Variants in SCARA3 observed in about 807,000 individuals in gnomAD.
SCARA3 encodes scavenger receptor class A member 3, also known as cellular stress response gene protein.
Under a neutral mutation model 47.0 loss-of-function variants are expected in SCARA3, and 39 were observed. The ratio of observed to expected loss-of-function variants is 0.83; its 90% CI spans 0.64 to 1.08. SCARA3 has a LOEUF of 1.08. SCARA3 is among the 50% of genes least tolerant of loss of function. SCARA3 has a pLI of 0.00. For synonymous variants in SCARA3, 356 were observed against 334.1 expected (o/e 1.07, Z -0.71); for missense variants, 724 against 792.3 (o/e 0.91, Z 1.04).
chr8:27,670,427 G>C (rs1416219924), intron 5 of SCARA3, among the ~76,000 whole-genome samples: 2 of 152,204 alleles, frequency 1.3e-5, no homozygotes, highest in Non-Finnish European at 2.9e-5. Context: ...TCTCTGGGCT[G>C]TCACTGTGCC....
chr8:27,694,908 G>A, the SCARA3 span, among the ~76,000 whole-genome samples: 1 of 152,168 alleles, frequency 6.6e-6, no homozygotes, highest in East Asian at 1.9e-4. Context: ...GCATTGTGAA[G>A]AAGAGAGAGA....
At chr8:27,731,377 A>G in the SCARA3 span, among the ~76,000 whole-genome samples, 2 of 151,776 alleles carry the variant, frequency 1.3e-5, no homozygotes, top group African/African-American at 4.8e-5. Flanking sequence ...GGATTATAGG[A>G]TTGAGCCACT....
At position 27,651,610 on chromosome 8, in the gene SCARA3, C is replaced by T. The variant is rs1192771437; in HGVS notation, c.209C>T (p.Ala70Val). The change falls in exon 3 of 6, where the codon GCT becomes GTT. Residue 70 changes from alanine (A) to valine (V), a missense_variant. Coordinates refer to ENST00000301904, the MANE Select transcript of SCARA3 (RefSeq NM_016240.3). Reference protein sequence around the residue: ...LFLALLLVAVAVLASLVFRKV... With the variant: ...LFLALLLVAVVVLASLVFRKV... ...CTGGCCCTGCTCCTGGTGGCCGTGG[C>T]TGTGTTGGCCTCTCTGGGTGAGTCC... The T allele has an allele frequency of 6.2e-7, 1 of 1,614,102 alleles. No individual in the cohort carries two copies. Among genetic ancestry groups the T allele is most frequent in the Non-Finnish European group, 8.5e-7 (1 of 1,180,002 alleles).
At chr8:27,664,599 G>C (rs1313188720) in intron 5 of SCARA3, among the ~76,000 whole-genome samples, 1 of 152,152 alleles carries the variant, frequency 6.6e-6, no homozygotes, top group Admixed American at 6.5e-5. Context: ...TAAGCTATAG[G>C]GTGTGGGGCA....
the SCARA3 span, among the ~76,000 whole-genome samples, chr8:27,700,485 T>C: frequency 6.6e-6 from 1 of 152,032 alleles, no homozygotes; most frequent in South Asian, 2.1e-4. Context: ...TGGGCTCCTG[T>C]AGTCCCAGCT....
chr8:27,691,122 C>G, the SCARA3 span, among the ~76,000 whole-genome samples: 1 of 152,050 alleles, frequency 6.6e-6, no homozygotes, highest in Non-Finnish European at 1.5e-5. Context: ...ACTCTTCTGC[C>G]CCTTTTGAAT....
At chr8:27,660,846 A>C (rs113955108) in intron 5 of SCARA3, among the ~76,000 whole-genome samples, 3,910 of 56,494 alleles carry the variant, frequency 0.069, 110 homozygotes, top group African/African-American at 0.14. Context: ...AGCTAGCTAG[A>C]TAGATAGATA....
intron 5 of SCARA3, among the ~76,000 whole-genome samples, chr8:27,667,099 G>A (rs533918851): frequency 6.6e-6 from 1 of 152,238 alleles, no homozygotes; most frequent in South Asian, 2.1e-4. Flanking sequence ...TCTCTCCTCT[G>A]CCCCTCACCC....
chr8:27,670,333 T>G (rs1269840220), intron 5 of SCARA3, among the ~76,000 whole-genome samples: 1 of 152,172 alleles, frequency 6.6e-6, no homozygotes, highest in Non-Finnish European at 1.5e-5. Context: ...TATGTGTCAA[T>G]GAAAAGACTC....
chr8:27,667,662 G>A (rs983734786), intron 5 of SCARA3, among the ~76,000 whole-genome samples: 1 of 152,064 alleles, frequency 6.6e-6, no homozygotes, highest in Non-Finnish European at 1.5e-5. Context: ...GCAGACACTC[G>A]ACGAAGTTGG....
At chr8:27,700,085 T>C in the SCARA3 span, among the ~76,000 whole-genome samples, 1 of 152,066 alleles carries the variant, frequency 6.6e-6, no homozygotes, top group Admixed American at 6.5e-5. Context: ...AAAAAATACA[T>C]AAGATAATTT....
At chr8:27,715,297 A>C in the SCARA3 span, among the ~76,000 whole-genome samples, 1 of 152,154 alleles carries the variant, frequency 6.6e-6, no homozygotes, top group East Asian at 1.9e-4. This position sits in a 1 kb window ranked among gnomAD's most constrained non-coding sequence, Gnocchi z 4.2. Flanking sequence ...CTTTACATTA[A>C]TCTGGCTTTT....
chr8:27,698,331 T>A, the SCARA3 span, among the ~76,000 whole-genome samples: 4 of 152,198 alleles, frequency 2.6e-5, no homozygotes, highest in Non-Finnish European at 5.9e-5. Context: ...AAGATTATTT[T>A]AAGACTATTT....
At chr8:27,729,358 C>T in the SCARA3 span, among the ~76,000 whole-genome samples, 28 of 152,330 alleles carry the variant, frequency 1.8e-4, no homozygotes, top group Admixed American at 1.6e-3. Flanking sequence ...AGGATGTGAG[C>T]CACTTTCCTC....
At chr8:27,730,494 T>C in the SCARA3 span, among the ~76,000 whole-genome samples, 3 of 130,444 alleles carry the variant, frequency 2.3e-5, no homozygotes, top group Non-Finnish European at 1.8e-5. Context: ...TTTGATTTTT[T>C]TTTTTTTTTT....
At chr8:27,641,269 A>G (rs1469282584) in intron 1 of SCARA3, among the ~76,000 whole-genome samples, 1 of 152,220 alleles carries the variant, frequency 6.6e-6, no homozygotes, top group African/African-American at 2.4e-5. Flanking sequence ...ATGCACGAGA[A>G]GGCCTCTTTC....
intron 1 of SCARA3, among the ~76,000 whole-genome samples, chr8:27,644,757 C>A (rs1801456478): frequency 1.3e-5 from 2 of 152,156 alleles, no homozygotes; most frequent in South Asian, 2.1e-4. Flanking sequence ...CTTCCAGACA[C>A]CCAGCATGCT....
the SCARA3 span, among the ~76,000 whole-genome samples, chr8:27,685,397 A>G: frequency 1.4e-4 from 22 of 152,204 alleles, no homozygotes; most frequent in Non-Finnish European, 2.5e-4. Flanking sequence ...CAAAACTCCA[A>G]TCCAACACAA....
the SCARA3 span, among the ~76,000 whole-genome samples, chr8:27,713,956 G>A: frequency 4.6e-5 from 7 of 152,018 alleles, 1 homozygote; most frequent in Admixed American, 2.6e-4. Flanking sequence ...TTGCCATTGC[G>A]AGCTCTTGTG....
Sources: gnomAD v4.1 joint callset for allele counts (sites outside exome capture counted in the v4.1 genomes callset) on GRCh38, gnomAD v4.1.1 for gene constraint, Gnocchi (gnomAD v3.1) non-coding constraint, MANE v1.5 for transcripts, NCBI Gene and HGNC (gene_info 2026-07-23, HGNC 2026-07-21) for gene names.